The following FBXO34 variants were observed in gnomAD, a reference collection of about 807,000 sequenced individuals.
FBXO34 encodes the protein F-box only protein 34.
A neutral mutation model predicts 24.5 loss-of-function variants in FBXO34; 12 were observed. That is an observed-to-expected ratio of 0.49 (90% CI 0.31 to 0.79). The LOEUF (loss-of-function observed/expected upper bound fraction) is 0.79, where lower values mean the gene tolerates loss of function less well. FBXO34 is among the 30% of genes least tolerant of loss of function. The probability of loss-of-function intolerance (pLI) is 0.04; values close to 1 mark genes in which losing one functional copy is unlikely to be tolerated. For missense variants in FBXO34, 823 were observed against 857.7 expected (o/e 0.96, Z 0.51); for synonymous variants, 320 against 311.9 (o/e 1.03, Z -0.27).
At chr14:55,369,776 G>T, downstream of FBXO34, 1 of 1,614,144 alleles carries the variant, frequency 6.2e-7, no homozygotes, top group Non-Finnish European at 8.5e-7. Context: ...ACAAAACCGG[G>T]GACTAGGCAA....
At chr14:55,409,452 A>C in the FBXO34 span, among the ~76,000 whole-genome samples, 1 of 150,990 alleles carries the variant, frequency 6.6e-6, no homozygotes, top group Non-Finnish European at 1.5e-5. Flanking sequence ...CAACCATCAC[A>C]TGGTGGTAAG....
chr14:55,395,894 T>G, the FBXO34 span: 18 of 1,400,422 alleles, frequency 1.3e-5, no homozygotes, highest in Admixed American at 3.6e-4. Flanking sequence ...TCTACCAACT[T>G]AAAAACATGT....
At chr14:55,307,325 ATT>A (rs1431251887) in intron 1 of FBXO34, among the ~76,000 whole-genome samples, 1 of 152,132 alleles carries the variant, frequency 6.6e-6, no homozygotes, top group African/African-American at 2.4e-5. Context: ...GTGTTTGCAT[ATT>A]TGTCACTGCA....
intron 1 of FBXO34, among the ~76,000 whole-genome samples, chr14:55,296,944 T>C (rs1882156799): frequency 6.6e-6 from 1 of 152,206 alleles, no homozygotes; most frequent in African/African-American, 2.4e-5. Flanking sequence ...TACCTGGTTA[T>C]CTCCAGTATA....
chr14:55,300,555 A>T, intron 1 of FBXO34, among the ~76,000 whole-genome samples: 1 of 152,246 alleles, frequency 6.6e-6, no homozygotes, highest in East Asian at 1.9e-4. Context: ...AGATTGTGAC[A>T]CTGCACTCCA....
chr14:55,423,285 T>C, the FBXO34 span, among the ~76,000 whole-genome samples: 2 of 152,236 alleles, frequency 1.3e-5, no homozygotes, highest in African/African-American at 4.8e-5. Flanking sequence ...TTTAGATACA[T>C]TGCATTTAAG....
chr14:55,322,454 C>T (rs1224779339), intron 1 of FBXO34, among the ~76,000 whole-genome samples: 1 of 152,216 alleles, frequency 6.6e-6, no homozygotes, highest in Non-Finnish European at 1.5e-5. Context: ...TCCTCCCCCA[C>T]CATTGGCTTC....
At chr14:55,424,164 A>G in the FBXO34 span, 1 of 1,611,636 alleles carries the variant, frequency 6.2e-7, no homozygotes, top group Non-Finnish European at 8.5e-7. Flanking sequence ...CTTACCTGTC[A>G]ACACAACTTT....
intron 1 of FBXO34, among the ~76,000 whole-genome samples, chr14:55,342,541 C>A (rs1205675538): frequency 6.6e-6 from 1 of 152,074 alleles, no homozygotes; most frequent in Non-Finnish European, 1.5e-5. Flanking sequence ...ATTTTTTCTC[C>A]CTTTTTTCCT....
At chr14:55,420,140 G>A in the FBXO34 span, among the ~76,000 whole-genome samples, 71 of 152,198 alleles carry the variant, frequency 4.7e-4, no homozygotes, top group African/African-American at 1.7e-3. Flanking sequence ...GCACGATCTC[G>A]GCTCACTGCA....
intron 1 of FBXO34, among the ~76,000 whole-genome samples, chr14:55,327,368 G>C (rs561871702): frequency 1.3e-5 from 2 of 152,258 alleles, no homozygotes; most frequent in African/African-American, 2.4e-5. Context: ...TGAGATGATG[G>C]AACTTCCCCT....
chr14:55,338,181 C>G (rs1239470216), intron 1 of FBXO34, among the ~76,000 whole-genome samples: 1 of 151,314 alleles, frequency 6.6e-6, no homozygotes, highest in Non-Finnish European at 1.5e-5. Context: ...TCCTGGGTAG[C>G]TGGGACTACA....
chr14:55,293,637 C>G (rs1882021155), intron 1 of FBXO34, among the ~76,000 whole-genome samples: 1 of 151,464 alleles, frequency 6.6e-6, no homozygotes, highest in African/African-American at 2.4e-5. Flanking sequence ...CTTAATAAGC[C>G]AAGGAGTAGG....
At chr14:55,369,773 C>T (rs1884770787), downstream of FBXO34, 21 of 1,614,032 alleles carry the variant, frequency 1.3e-5, no homozygotes, top group Non-Finnish European at 1.7e-5. Flanking sequence ...ATCACAAAAC[C>T]GGGGACTAGG....
chr14:55,436,884 T>C, the FBXO34 span: 9 of 1,614,128 alleles, frequency 5.6e-6, no homozygotes, highest in Non-Finnish European at 7.6e-6. Flanking sequence ...GATCCACAGA[T>C]GAGAAATCAC....
At chr14:55,380,743 C>T in the FBXO34 span, 3 of 1,228,960 alleles carry the variant, frequency 2.4e-6, no homozygotes, top group Admixed American at 2.0e-5. Flanking sequence ...AACAAAACTA[C>T]TAATAATCCA....
At chr14:55,286,613 A>G (rs1217894316) in intron 1 of FBXO34, among the ~76,000 whole-genome samples, 2 of 152,198 alleles carry the variant, frequency 1.3e-5, no homozygotes, top group Admixed American at 1.3e-4. Context: ...GTTTGCCCTC[A>G]GGAGCATTTA....
At position 55,320,832 on chromosome 14, in the gene FBXO34, T is replaced by A. The variant is rs146966055; in HGVS notation, c.-10-29549T>A. On this transcript the variant is annotated intron_variant, in intron 1 of 1. Coordinates refer to ENST00000313833, the MANE Select transcript of FBXO34 (RefSeq NM_017943.4). ...TAGTCATAGTCTTTGTTAAAACTTT[T>A]GTTAAATCTGGGATACTGTTGAGAT... Among the ~76,000 whole-genome samples the A allele has an allele frequency of 2.0e-5, 3 of 152,346 alleles. No individual in the cohort carries two copies. The East Asian group carries it at 5.8e-4, about 29-fold the overall frequency.
At chr14:55,411,805 C>T in the FBXO34 span, 40 of 1,596,634 alleles carry the variant, frequency 2.5e-5, no homozygotes, top group Non-Finnish European at 3.4e-6. Context: ...GGGCTCCCTT[C>T]CCACTGGGAG....
Sources: gnomAD v4.1 joint callset for allele counts (sites outside exome capture counted in the v4.1 genomes callset) on GRCh38, gnomAD v4.1.1 for gene constraint, MANE v1.5 for transcripts, NCBI Gene and HGNC (gene_info 2026-07-23, HGNC 2026-07-21) for gene names.